The following PGAP3 variants were observed in gnomAD, a reference collection of about 807,000 sequenced individuals.
PGAP3 encodes GPI-specific phospholipase A2-like PGAP3.
Under a neutral mutation model 40.3 loss-of-function variants are expected in PGAP3, and 31 were observed. That is an observed-to-expected ratio of 0.77 (90% CI 0.58 to 1.04). The LOEUF (loss-of-function observed/expected upper bound fraction) is 1.04, where lower values mean the gene tolerates loss of function less well. Ranked by LOEUF, PGAP3 falls within the 50% of genes least tolerant of loss-of-function variation. PGAP3 has a pLI of 0.00. For missense variants in PGAP3, 413 were observed against 423.0 expected, an observed-to-expected ratio of 0.98 and a Z score of 0.21; for synonymous variants, 191 against 184.5, an observed-to-expected ratio of 1.04 and a Z score of -0.29.
chr17:39,680,459 G>A (rs2057425609), intron 3 of PGAP3, among the ~76,000 whole-genome samples: 1 of 152,114 alleles, frequency 6.6e-6, no homozygotes, highest in Admixed American at 6.5e-5. Context: ...ATTTCCCAGA[G>A]GTTTAACAGC....
In PGAP3 at chr17:39,671,438, C is replaced by G. The variant is rs1000294025; in HGVS notation, c.*1365G>C. 6.6e-6 allele frequency: 1 copy of G among 152,324 alleles called. No individual in the cohort carries two copies. The highest frequency in any genetic ancestry group is 2.4e-5 in the African/African-American group (1 of 41,460). 9.4% of individuals were successfully genotyped at this position (152,324 alleles called of 1,614,324 possible). A position where few individuals can be genotyped will look rare whatever the true frequency, so the allele number is the denominator to read the frequency against. Reference sequence around the variant, plus strand: ...GGGCGCAGGCATAGTGTGGCCCCTGCCTGCCCTGGGGCCACCCTGGAACAG... The same window carrying G: ...GGGCGCAGGCATAGTGTGGCCCCTGGCTGCCCTGGGGCCACCCTGGAACAG... On this transcript the variant is annotated 3_prime_UTR_variant, in exon 8 of 8. Coordinates refer to ENST00000300658, the MANE Select transcript of PGAP3 (RefSeq NM_033419.5).
At chr17:39,679,753 C>G (rs893174495) in intron 3 of PGAP3, among the ~76,000 whole-genome samples, 1 of 152,216 alleles carries the variant, frequency 6.6e-6, no homozygotes, top group Non-Finnish European at 1.5e-5. Flanking sequence ...TAGCCCTCAG[C>G]CTGGCACTCA....
intron 6 of PGAP3, 122 bp downstream of exon 6, chr17:39,673,392 C>G: frequency 6.4e-7 from 1 of 1,555,896 alleles, no homozygotes; most frequent in Non-Finnish European, 8.8e-7. Flanking sequence ...ACCTCAAATT[C>G]TTCTCCATTC....
chr17:39,675,797 CCA>C (rs1340508582), intron 3 of PGAP3, among the ~76,000 whole-genome samples: 1 of 152,140 alleles, frequency 6.6e-6, no homozygotes, highest in Non-Finnish European at 1.5e-5. Context: ...TGCTGCACAG[CCA>C]GTCAGGTTCT....
chr17:39,678,937 TCTC>T (rs933681391), intron 3 of PGAP3, among the ~76,000 whole-genome samples: 2 of 151,878 alleles, frequency 1.3e-5, no homozygotes, highest in African/African-American at 4.8e-5. Flanking sequence ...ACATCTAACA[TCTC>T]CTGCTTTTTC....
At chr17:39,680,477 C>G (rs1308735548) in intron 3 of PGAP3, among the ~76,000 whole-genome samples, 1 of 152,090 alleles carries the variant, frequency 6.6e-6, no homozygotes, top group Non-Finnish European at 1.5e-5. Context: ...AGCCTCCTTC[C>G]CTGACCTCCT....
chr17:39,682,773 A>G (rs1295584410), intron 3 of PGAP3, among the ~76,000 whole-genome samples: 1 of 151,900 alleles, frequency 6.6e-6, no homozygotes, highest in African/African-American at 2.4e-5. Flanking sequence ...TTTCTCCTCA[A>G]CCCTCATTTA....
Position 39,672,379 on chromosome 17 carries a change from G to T in PGAP3, c.*424C>A, listed in dbSNP as rs554631717. 50 of 219,830 alleles carry T rather than the reference G, an allele frequency of 2.3e-4. No homozygotes were observed. Among genetic ancestry groups the T allele is most frequent in the African/African-American group, 1.1e-3 (48 of 43,462 alleles). The allele number at this position is 219,830 out of a possible 1,614,324, so 13.6% of individuals were successfully genotyped here. On this transcript the variant is annotated 3_prime_UTR_variant, in exon 8 of 8. Transcript: ENST00000300658. ...GTGGTGTCCTGGAGGAGGGTGGGGG[G>T]TGGTAACAGAAGGGGACCCCCTGTA...
At chr17:39,673,774 A>T in intron 5 of PGAP3, 124 bp from the exon 6 acceptor site, 1 of 1,387,818 alleles carries the variant, frequency 7.2e-7, no homozygotes, top group Non-Finnish European at 9.8e-7. Context: ...TCTCCCCACC[A>T]AACAGGCCAC....
In PGAP3 at chr17:39,672,800, T is replaced by A; in HGVS notation, c.*3A>T. On this transcript the variant is annotated 3_prime_UTR_variant, in exon 8 of 8. Transcript: ENST00000300658. The stretch of plus-strand genomic sequence containing the variant: ...CCACTGGGGCAGACTCGCTCCAAGG[T>A]CTTCAGTCCAGCTTGAACTTGTCCT... 1 of 1,614,006 alleles carries A rather than the reference T, an allele frequency of 6.2e-7. No homozygotes were observed. The highest frequency in any genetic ancestry group is 8.5e-7 in the Non-Finnish European group (1 of 1,179,936).
chr17:39,680,036 G>A (rs1411061042), intron 3 of PGAP3, among the ~76,000 whole-genome samples: 2 of 152,128 alleles, frequency 1.3e-5, no homozygotes, highest in South Asian at 2.1e-4. Context: ...TCTGCCTGCC[G>A]TCTGCTGCCC....
chr17:39,681,759 T>C (rs1375760183), intron 3 of PGAP3, among the ~76,000 whole-genome samples: 1 of 151,998 alleles, frequency 6.6e-6, no homozygotes. Context: ...CCACCCGCCT[T>C]GGCCTCCCAA....
intron 3 of PGAP3, among the ~76,000 whole-genome samples, chr17:39,682,016 C>G (rs923665589): frequency 3.3e-5 from 5 of 151,046 alleles, no homozygotes; most frequent in Non-Finnish European, 7.4e-5. Flanking sequence ...ATCAGGAGAT[C>G]GAGACTATCC....
chr17:39,676,482 T>C (rs2952152), intron 3 of PGAP3: 86,812 of 152,196 alleles, frequency 0.57, 26,336 homozygotes, highest in South Asian at 0.7. Flanking sequence ...GTGGGGCTGC[T>C]GGGTCCCCTC....
chr17:39,673,280 G>A (rs1319072623), intron 6 of PGAP3, 25 bp from the exon 7 acceptor site: 1 of 1,554,242 alleles, frequency 6.4e-7, no homozygotes, highest in East Asian at 2.4e-5. Flanking sequence ...GGGCAGGAGA[G>A]ACTCATTCCT....
In PGAP3 at chr17:39,673,519, G is replaced by C; in HGVS notation, c.689C>G (p.Ala230Gly). The C allele has an allele frequency of 6.2e-7, 1 of 1,614,054 alleles. No individual in the cohort carries two copies. ...CAAGCCCCCCAGGGCCTCACCAATA[G>C]CCACGTTGGCCACCAGGTTGTAGCC... ...DYGYNLVANVAIGLVNVVWWL... is the reference protein window; with the variant it reads ...DYGYNLVANVGIGLVNVVWWL... The change falls in exon 6 of 8, where the codon GCT becomes GGT. Residue 230 changes from alanine to glycine, a missense_variant. Ala to Gly is a moderately conservative substitution (Grantham distance 60). Transcript: ENST00000300658.
Position 39,672,697 on chromosome 17 carries a change from AG to A in PGAP3, c.*105del. 2 of 1,175,210 alleles carry A rather than the reference AG, an allele frequency of 1.7e-6. No homozygotes were observed. The highest frequency in any genetic ancestry group is 1.3e-5 in the South Asian group (1 of 77,630). 72.8% of individuals were successfully genotyped at this position (1,175,210 alleles called of 1,614,324 possible). ...TCTGGGCCCACATCCTTCATGTCCAAGTTCAAGAAGTTGAAAAGAGAAAATC... is the reference window on the plus strand; with the variant it reads ...TCTGGGCCCACATCCTTCATGTCCAATTCAAGAAGTTGAAAAGAGAAAATC... On this transcript the variant is annotated 3_prime_UTR_variant, in exon 8 of 8. Transcript: ENST00000300658.
chr17:39,687,458 C>G (rs1013121897), intron 1 of PGAP3, among the ~76,000 whole-genome samples: 4 of 152,192 alleles, frequency 2.6e-5, no homozygotes, highest in Admixed American at 2.0e-4. Flanking sequence ...TGACACCTTC[C>G]TATCCCAAAT....
At position 39,673,175 on chromosome 17, in the gene PGAP3, C is replaced by T. The variant is rs1330811691; in HGVS notation, c.775G>A (p.Val259Met). The change falls in exon 7 of 8, where the codon GTG (valine) becomes ATG (methionine). Residue 259 changes from valine to methionine, a missense_variant. Physicochemically the swap from Val to Met is conservative, Grantham distance 21 (BLOSUM62 1). Transcript: ENST00000300658. ...RLPHVRKCVV[V>M]VLLLQGLSLL... The stretch of plus-strand genomic sequence containing the variant: ...GACAGCCCCTGCAGCAGCAAGACCA[C>T]CACCACGCACTTGCGCACGTGAGGC... The T allele has an allele frequency of 8.8e-6, 14 of 1,584,702 alleles. No individual in the cohort carries two copies. The highest frequency in any genetic ancestry group is 1.2e-5 in the Non-Finnish European group (14 of 1,166,070).
Sources: gnomAD v4.1 joint callset for allele counts (sites outside exome capture counted in the v4.1 genomes callset) on GRCh38, gnomAD v4.1.1 for gene constraint, MANE v1.5 for transcripts, NCBI Gene and HGNC (gene_info 2026-07-23, HGNC 2026-07-21) for gene names.